SSBP2: variants seen among roughly 807,000 people sequenced by gnomAD.
The protein encoded by SSBP2 is single stranded DNA binding protein 2.
SSBP2 carries 17 observed loss-of-function variants against 61.8 expected under a neutral mutation model. The observed-to-expected ratio is 0.28, with a 90% CI of 0.19 to 0.41. The LOEUF is 0.41. Ranked by LOEUF, SSBP2 falls within the 10% of genes least tolerant of loss-of-function variation. The probability of loss-of-function intolerance (pLI) is 1.00; values close to 1 mark genes in which losing one functional copy is unlikely to be tolerated. For missense variants in SSBP2, 310 were observed against 458.7 expected (o/e 0.68, Z 2.96); for synonymous variants, 139 against 141.3 (o/e 0.98, Z 0.12).
At chr5:81,715,222 G>A (rs1313164936) in intron 1 of SSBP2, among the ~76,000 whole-genome samples, 2 of 152,068 alleles carry the variant, frequency 1.3e-5, no homozygotes, top group African/African-American at 2.4e-5. Context: ...CCAGAACAGA[G>A]TAGGATTTTC....
chr5:81,657,560 A>G (rs6872195), intron 1 of SSBP2, among the ~76,000 whole-genome samples: 8,528 of 152,220 alleles, frequency 0.056, 488 homozygotes, highest in African/African-American at 0.15. Flanking sequence ...AATGGGGCAG[A>G]AAAACTAAGT....
chr5:81,709,772 A>G (rs531014817), intron 1 of SSBP2, among the ~76,000 whole-genome samples: 44 of 151,932 alleles, frequency 2.9e-4, no homozygotes, highest in Non-Finnish European at 6.3e-4. Context: ...TTTGAAAAGA[A>G]AAAAATTTTA....
intron 12 of SSBP2, among the ~76,000 whole-genome samples, chr5:81,445,138 T>TATATATATA: frequency 0.018 from 598 of 33,862 alleles, 119 homozygotes; most frequent in African/African-American, 0.026. Context: ...AAAAAAAATT[T>TATATATATA]TATATATATA....
At chr5:81,550,641 T>A (rs1772101316) in intron 4 of SSBP2, among the ~76,000 whole-genome samples, 1 of 152,218 alleles carries the variant, frequency 6.6e-6, no homozygotes, top group South Asian at 2.1e-4. Flanking sequence ...ACTCTCTACA[T>A]AAATCACAAC....
At chr5:81,634,512 T>C (rs902969622) in intron 3 of SSBP2, among the ~76,000 whole-genome samples, 3 of 152,226 alleles carry the variant, frequency 2.0e-5, no homozygotes, top group African/African-American at 7.2e-5. Flanking sequence ...GCCACGGTCA[T>C]TTATATTTGG....
intron 5 of SSBP2, among the ~76,000 whole-genome samples, chr5:81,494,260 A>C (rs937625761): frequency 6.6e-6 from 1 of 152,138 alleles, no homozygotes; most frequent in East Asian, 1.9e-4. Flanking sequence ...ATTAGGAAAA[A>C]CTCATAAGGT....
intron 1 of SSBP2, among the ~76,000 whole-genome samples, chr5:81,731,797 A>G (rs1249951060): frequency 1.3e-5 from 2 of 151,252 alleles, no homozygotes; most frequent in Admixed American, 6.6e-5. Flanking sequence ...AACCCCAAAC[A>G]GAATTGTCTT....
At chr5:81,587,318 GTTGT>G (rs1198846597) in intron 4 of SSBP2, among the ~76,000 whole-genome samples, 3 of 152,072 alleles carry the variant, frequency 2.0e-5, no homozygotes, top group African/African-American at 7.3e-5. Flanking sequence ...TATGATTAGG[GTTGT>G]TTGAGGTTCT....
At chr5:81,635,215 G>C (rs148510179) in intron 3 of SSBP2, among the ~76,000 whole-genome samples, 1 of 149,946 alleles carries the variant, frequency 6.7e-6, no homozygotes, top group Non-Finnish European at 1.5e-5. Flanking sequence ...TAACTTCTTC[G>C]AGGCAAAAAA....
intron 1 of SSBP2, among the ~76,000 whole-genome samples, chr5:81,699,525 C>A (rs1282394374): frequency 1.3e-5 from 2 of 152,210 alleles, no homozygotes; most frequent in African/African-American, 4.8e-5. Flanking sequence ...AGAAATAACT[C>A]CTCATCCATT....
intron 3 of SSBP2, chr5:81,616,658 C>G (rs1021614669): frequency 2.1e-5 from 3 of 140,946 alleles, no homozygotes; most frequent in Non-Finnish European, 4.6e-5. Context: ...AGGGCACAGA[C>G]AAACAAAAAG....
At chr5:81,582,607 T>C (rs1774742602) in intron 4 of SSBP2, among the ~76,000 whole-genome samples, 1 of 152,180 alleles carries the variant, frequency 6.6e-6, no homozygotes, top group African/African-American at 2.4e-5. Flanking sequence ...TTATTTTTTC[T>C]TTTTGAGACG....
intron 6 of SSBP2, among the ~76,000 whole-genome samples, chr5:81,486,157 A>G (rs1322013643): frequency 6.6e-6 from 1 of 152,176 alleles, no homozygotes; most frequent in African/African-American, 2.4e-5. Flanking sequence ...CATTTAGGTA[A>G]AGACTATTTA....
chr5:81,634,679 C>G (rs1331737614), intron 3 of SSBP2, among the ~76,000 whole-genome samples: 1 of 152,204 alleles, frequency 6.6e-6, no homozygotes, highest in Non-Finnish European at 1.5e-5. Context: ...CATCCCTAAT[C>G]ACTCTATCAC....
intron 4 of SSBP2, among the ~76,000 whole-genome samples, chr5:81,570,982 T>C (rs957873730): frequency 5.3e-5 from 8 of 152,302 alleles, no homozygotes; most frequent in African/African-American, 1.9e-4. Flanking sequence ...ATCACATCTG[T>C]TTTTTGTCCT....
Position 81,719,360 on chromosome 5 carries a change from T to C in SSBP2, c.62+31621A>G, listed in dbSNP as rs190906549. Among the ~76,000 whole-genome samples, 91 of 152,298 alleles carry C rather than the reference T, an allele frequency of 6.0e-4. No individual in the cohort carries two copies. The Middle Eastern group carries it at 0.01, about 17-fold the overall frequency. On this transcript the variant is annotated intron_variant, in intron 1 of 16. Transcript: ENST00000320672. ...CCTGAAAAAGCAGAGGGCTGATGAT[T>C]AACTTCATCCAGCCAAACCTGTTAC...
chr5:81,671,610 T>C (rs1199104820), intron 1 of SSBP2, among the ~76,000 whole-genome samples: 1 of 152,158 alleles, frequency 6.6e-6, no homozygotes, highest in Non-Finnish European at 1.5e-5. Flanking sequence ...AAACACTTAC[T>C]ATGCTAATCA....
intron 9 of SSBP2, among the ~76,000 whole-genome samples, chr5:81,461,375 A>G (rs1365332320): frequency 6.6e-6 from 1 of 152,104 alleles, no homozygotes; most frequent in Admixed American, 6.5e-5. Flanking sequence ...GTAACTGCTC[A>G]TAGGAGTAAA....
Position 81,415,508 on chromosome 5 carries a change from T to A in SSBP2, c.*4996A>T, listed in dbSNP as rs1206033819. On this transcript the variant is annotated 3_prime_UTR_variant, in exon 17 of 17. Coordinates refer to ENST00000320672, the MANE Select transcript of SSBP2 (RefSeq NM_012446.5). ...TAATTATTGTTGTATTATTGGTTTT[T>A]ATTGTTATAAAAATTTTTTCCAATA... is the stretch of plus-strand genomic sequence containing the variant. The A allele has an allele frequency of 6.6e-6, 1 of 152,068 alleles. No homozygotes were observed. Among genetic ancestry groups the A allele is most frequent in the African/African-American group, 2.4e-5 (1 of 41,438 alleles). The allele number at this position is 152,068 out of a possible 1,614,324, so 9.4% of individuals were successfully genotyped here. A position where few individuals can be genotyped will look rare whatever the true frequency, so the allele number is the denominator to read the frequency against.
Sources: allele counts gnomAD v4.1 joint callset (sites outside exome capture counted in the v4.1 genomes callset), GRCh38; gene constraint gnomAD v4.1.1; transcripts MANE v1.5; gene names NCBI Gene and HGNC (gene_info 2026-07-23, HGNC 2026-07-21).